ARL15: variants seen among roughly 807,000 people sequenced by gnomAD.
ARL15 encodes ARF like GTPase 15.
A neutral mutation model predicts 25.2 loss-of-function variants in ARL15; 19 were observed. The observed-to-expected ratio is 0.75, with a 90% CI of 0.53 to 1.10. The LOEUF (loss-of-function observed/expected upper bound fraction) is 1.10. Among genes scored for constraint, ARL15 ranks in the 50% least tolerant of loss-of-function variants. The probability of loss-of-function intolerance (pLI) is 0.00; values close to 1 mark genes in which losing one functional copy is unlikely to be tolerated. For missense variants in ARL15, 220 were observed against 246.0 expected (o/e 0.89, Z 0.71); for synonymous variants, 94 against 86.8 (o/e 1.08, Z -0.46).
At chr5:54,200,217 C>T (rs994243196) in intron 1 of ARL15, among the ~76,000 whole-genome samples, 8 of 150,626 alleles carry the variant, frequency 5.3e-5, no homozygotes, top group African/African-American at 1.2e-4. Flanking sequence ...GTGGGTGCAG[C>T]GCACCAGCAT....
intron 4 of ARL15, among the ~76,000 whole-genome samples, chr5:54,015,075 C>T (rs2111805973): frequency 6.6e-6 from 1 of 151,880 alleles, no homozygotes; most frequent in African/African-American, 2.4e-5. Flanking sequence ...GGTAGATCAC[C>T]TGAAGTCAGG....
intron 1 of ARL15, among the ~76,000 whole-genome samples, chr5:54,276,709 G>T (rs965775791): frequency 2.0e-5 from 3 of 152,140 alleles, no homozygotes; most frequent in African/African-American, 4.8e-5. Context: ...GATTCTTCTG[G>T]ATTATTCATG....
At chr5:54,114,264 G>A (rs900602202) in intron 3 of ARL15, among the ~76,000 whole-genome samples, 10 of 151,694 alleles carry the variant, frequency 6.6e-5, no homozygotes, top group Admixed American at 1.3e-4. Flanking sequence ...CGGGCGTGGC[G>A]GCGGGTGCCT....
intron 3 of ARL15, among the ~76,000 whole-genome samples, chr5:54,150,604 C>T (rs562485333): frequency 6.7e-4 from 102 of 152,138 alleles, no homozygotes; most frequent in African/African-American, 2.4e-3. Context: ...TCGAGACCAG[C>T]CTGGCCAACA....
chr5:54,196,362 T>C (rs1755549616), intron 1 of ARL15, among the ~76,000 whole-genome samples: 2 of 151,866 alleles, frequency 1.3e-5, no homozygotes, highest in Non-Finnish European at 2.9e-5. Flanking sequence ...ATTTCTGAGT[T>C]TGATTCCCAC....
intron 4 of ARL15, among the ~76,000 whole-genome samples, chr5:53,959,602 G>C (rs532679909): frequency 1.4e-3 from 207 of 152,236 alleles, no homozygotes; most frequent in African/African-American, 4.6e-3. Flanking sequence ...ACGATACTCT[G>C]CCTCTTTTCC....
intron 3 of ARL15, among the ~76,000 whole-genome samples, chr5:54,140,028 A>G (rs1753723474): frequency 6.6e-6 from 1 of 152,172 alleles, no homozygotes; most frequent in Non-Finnish European, 1.5e-5. Context: ...AATGTTTGCA[A>G]AATAGACAAC....
Position 53,885,111 on chromosome 5 carries a change from T to C in ARL15, c.*1450A>G, listed in dbSNP as rs1744476801. On this transcript the variant is annotated 3_prime_UTR_variant, in exon 5 of 5. Coordinates refer to ENST00000504924, the MANE Select transcript of ARL15 (RefSeq NM_019087.3). ...GTCTATCTTCTGGAGAATTACCAGGTATTACATCATTCTGTAATATAGTGT... is the reference window on the plus strand; with the variant it reads ...GTCTATCTTCTGGAGAATTACCAGGCATTACATCATTCTGTAATATAGTGT... The C allele has an allele frequency of 6.6e-6, 1 of 152,664 alleles. No individual in the cohort carries two copies. Among genetic ancestry groups the C allele is most frequent in the Admixed American group, 6.5e-5 (1 of 15,282 alleles). 9.5% of individuals were successfully genotyped at this position (152,664 alleles called of 1,614,324 possible).
At chr5:54,189,235 A>T (rs1755327031) in intron 1 of ARL15, among the ~76,000 whole-genome samples, 1 of 152,186 alleles carries the variant, frequency 6.6e-6, no homozygotes, top group African/African-American at 2.4e-5. Context: ...TAATCTGTCA[A>T]CACTACCCAA....
chr5:54,264,672 C>T (rs1418027743), intron 1 of ARL15, among the ~76,000 whole-genome samples: 1 of 152,162 alleles, frequency 6.6e-6, no homozygotes, highest in Non-Finnish European at 1.5e-5. Flanking sequence ...TTGCTCCTGT[C>T]TTAGGACCTT....
At chr5:54,281,755 T>A (rs773069962) in intron 1 of ARL15, among the ~76,000 whole-genome samples, 3 of 152,226 alleles carry the variant, frequency 2.0e-5, no homozygotes, top group Non-Finnish European at 4.4e-5. Flanking sequence ...AAACAATGTA[T>A]TGCTTAGTTC....
In ARL15 at chr5:54,077,966, C is replaced by CA. The variant is rs566956462; in HGVS notation, c.462+35235dup. On this transcript the variant is annotated intron_variant, in intron 4 of 4. Transcript: ENST00000504924. ...GCGTTATGGGAAAGATGTGTGATGA[C>CA]AATGTCTTTCTTGAGTTATGCTAAT... is the stretch of plus-strand genomic sequence containing the variant. Among the ~76,000 whole-genome samples, 21 of 152,224 alleles carry CA rather than the reference C, an allele frequency of 1.4e-4. No homozygotes were observed. The East Asian group carries it at 4.1e-3, about 29-fold the overall frequency.
chr5:54,134,933 T>C (rs983535883), intron 3 of ARL15, among the ~76,000 whole-genome samples: 1 of 152,148 alleles, frequency 6.6e-6, no homozygotes, highest in Non-Finnish European at 1.5e-5. Context: ...GAGCCTGAGA[T>C]TAGCACAGAG....
rs149278990 is a variant in ARL15 at position 53,976,149 on chromosome 5, A to G, written c.463-89436T>C. ...TGCTATGCAGGCAGCAAAAACACAA[A>G]TAAGACATAATCCCTGCACTGAGGG... On this transcript the variant is annotated intron_variant, in intron 4 of 4. Coordinates refer to ENST00000504924, the MANE Select transcript of ARL15 (RefSeq NM_019087.3). Among the ~76,000 whole-genome samples the G allele has an allele frequency of 4.7e-3, 709 of 152,270 alleles. 8 individuals carry two copies. The highest frequency in any genetic ancestry group is 0.016 in the African/African-American group (680 of 41,540).
At chr5:54,231,147 A>T (rs4865810) in intron 1 of ARL15, among the ~76,000 whole-genome samples, 96,942 of 151,794 alleles carry the variant, frequency 0.64, 31,699 homozygotes, top group Non-Finnish European at 0.71. Context: ...ACTCATCATG[A>T]TGAAAACCAA....
At chr5:54,101,292 C>CA (rs1490374840) in intron 4 of ARL15, among the ~76,000 whole-genome samples, 1 of 151,818 alleles carries the variant, frequency 6.6e-6, no homozygotes, top group Non-Finnish European at 1.5e-5. Context: ...AAACATATGA[C>CA]AAAATTTTGA....
chr5:54,297,674 C>T (rs1033768954), intron 1 of ARL15, among the ~76,000 whole-genome samples: 1 of 152,204 alleles, frequency 6.6e-6, no homozygotes, highest in East Asian at 1.9e-4. Flanking sequence ...TCAATTCACA[C>T]CCCTATTGTC....
chr5:54,197,049 A>G (rs969182241), intron 1 of ARL15, among the ~76,000 whole-genome samples: 3 of 152,174 alleles, frequency 2.0e-5, no homozygotes, highest in Admixed American at 1.3e-4. Flanking sequence ...TGGGAAACAG[A>G]TAAGTTCATT....
At chr5:54,226,305 G>A (rs1756516700) in intron 1 of ARL15, among the ~76,000 whole-genome samples, 1 of 152,182 alleles carries the variant, frequency 6.6e-6, no homozygotes, top group Non-Finnish European at 1.5e-5. Flanking sequence ...CACGTTTAGA[G>A]GAAATGAAGG....
Sources: allele counts gnomAD v4.1 joint callset (sites outside exome capture counted in the v4.1 genomes callset), GRCh38; gene constraint gnomAD v4.1.1; transcripts MANE v1.5; gene names NCBI Gene and HGNC (gene_info 2026-07-23, HGNC 2026-07-21).